The following TNFRSF11A variants were observed in gnomAD, a reference collection of about 807,000 sequenced individuals.
TNFRSF11A encodes the protein TNF receptor superfamily member 11a.
TNFRSF11A carries 32 observed loss-of-function variants against 55.7 expected under a neutral mutation model. That is an observed-to-expected ratio of 0.57 (90% CI 0.43 to 0.77). TNFRSF11A has a LOEUF of 0.77. Ranked by LOEUF, TNFRSF11A falls within the 30% of genes least tolerant of loss-of-function variation. The probability of loss-of-function intolerance (pLI) is 0.00; values close to 1 mark genes in which losing one functional copy is unlikely to be tolerated. For synonymous variants in TNFRSF11A, 311 were observed against 331.0 expected (o/e 0.94, Z 0.65); for missense variants, 753 against 809.8 (o/e 0.93, Z 0.85).
At position 62,369,194 on chromosome 18, in the gene TNFRSF11A, TGG is replaced by T. The variant is rs1910330138; in HGVS notation, c.1278_1279del (p.Asp427GlnfsTer31). The T allele has an allele frequency of 6.2e-7, 1 of 1,613,862 alleles. No homozygotes were observed. Among genetic ancestry groups the T allele is most frequent in the Non-Finnish European group, 8.5e-7 (1 of 1,180,038 alleles). ...TCTGAAAACTACTTGCAAAAAGAGG[TGG>T]ACAGTGGCCATTGCCCGCACTGGGC... On this transcript the variant is annotated frameshift_variant, in exon 9 of 10. Coordinates refer to ENST00000586569, the MANE Select transcript of TNFRSF11A (RefSeq NM_003839.4). LOFTEE classifies it high-confidence loss of function.
chr18:62,334,066 A>G (rs1012954692), intron 1 of TNFRSF11A, among the ~76,000 whole-genome samples: 1 of 152,054 alleles, frequency 6.6e-6, no homozygotes, highest in African/African-American at 2.4e-5. Flanking sequence ...GGTTTTCGAC[A>G]TGTTGGCCAG....
At chr18:62,341,041 G>A (rs898548862) in intron 1 of TNFRSF11A, among the ~76,000 whole-genome samples, 1 of 152,222 alleles carries the variant, frequency 6.6e-6, no homozygotes, top group African/African-American at 2.4e-5. Context: ...TCTATCTGCC[G>A]AGCTTATTTA....
chr18:62,385,050 G>A lies in TNFRSF11A; in HGVS notation c.*16G>A. ...CAAGGCTTGAGCGCCCCCCATGGCT[G>A]GGAGCCCGAAGCTCGGAGCCAGGGC... On this transcript the variant is annotated 3_prime_UTR_variant, in exon 10 of 10. Transcript: ENST00000586569. 1 of 1,463,264 alleles carries A rather than the reference G, an allele frequency of 6.8e-7. No homozygotes were observed. The highest frequency in any genetic ancestry group is 1.4e-5 in the South Asian group (1 of 74,064). The allele number at this position is 1,463,264 out of a possible 1,614,324, so 90.6% of individuals were successfully genotyped here.
At chr18:62,347,919 A>T (rs1345188410) in intron 1 of TNFRSF11A, among the ~76,000 whole-genome samples, 1 of 151,682 alleles carries the variant, frequency 6.6e-6, no homozygotes, top group African/African-American at 2.4e-5. Flanking sequence ...AAAAACAAAA[A>T]AACAAAAAAA....
chr18:62,327,188 C>T (rs2046088571), intron 1 of TNFRSF11A, among the ~76,000 whole-genome samples: 2 of 152,172 alleles, frequency 1.3e-5, no homozygotes, highest in South Asian at 4.1e-4. Context: ...GTCTCCTCTC[C>T]TGTAATCGGA....
At chr18:62,356,910 A>G (rs1046427848) in intron 4 of TNFRSF11A, among the ~76,000 whole-genome samples, 13 of 152,208 alleles carry the variant, frequency 8.5e-5, no homozygotes, top group African/African-American at 3.1e-4. Context: ...AAGTCAAGCT[A>G]TGGAAATTAA....
chr18:62,351,654 A>G (rs2046474408), intron 3 of TNFRSF11A, among the ~76,000 whole-genome samples: 1 of 152,274 alleles, frequency 6.6e-6, no homozygotes, highest in Non-Finnish European at 1.5e-5. Flanking sequence ...GTAGTGCAGT[A>G]CATATAGAAA....
At chr18:62,349,732 T>C in intron 2 of TNFRSF11A, 80 bp from the exon 3 acceptor site, 7 of 1,558,466 alleles carry the variant, frequency 4.5e-6, no homozygotes, top group Non-Finnish European at 6.2e-6. Flanking sequence ...ATGGGTGCAA[T>C]TTTTGTTGCT....
intron 1 of TNFRSF11A, among the ~76,000 whole-genome samples, chr18:62,328,937 T>A (rs1330811034): frequency 6.6e-6 from 1 of 152,176 alleles, no homozygotes; most frequent in Admixed American, 6.5e-5. Context: ...TCAGGAAAAC[T>A]GAAACAATAA....
At chr18:62,354,688 G>A (rs1218954636) in intron 4 of TNFRSF11A, among the ~76,000 whole-genome samples, 154 bp downstream of exon 4, 3 of 152,172 alleles carry the variant, frequency 2.0e-5, no homozygotes, top group East Asian at 1.9e-4. Context: ...GATTTTCCAC[G>A]AGATACAGGC....
At chr18:62,345,978 A>G (rs997612216) in intron 1 of TNFRSF11A, among the ~76,000 whole-genome samples, 2 of 152,190 alleles carry the variant, frequency 1.3e-5, no homozygotes, top group African/African-American at 4.8e-5. Context: ...AATTGTCTAC[A>G]TGTTCAGGTC....
chr18:62,352,882 AC>A (rs1192384421), intron 3 of TNFRSF11A, among the ~76,000 whole-genome samples: 1 of 152,160 alleles, frequency 6.6e-6, no homozygotes, highest in African/African-American at 2.4e-5. Context: ...ACCATAAGAG[AC>A]AGCGGGTTTC....
intron 9 of TNFRSF11A, among the ~76,000 whole-genome samples, chr18:62,380,599 G>C (rs1911210042): frequency 6.6e-6 from 1 of 150,652 alleles, no homozygotes; most frequent in South Asian, 2.1e-4. Flanking sequence ...ACCACACCCA[G>C]CTAATTTTTT....
At position 62,354,469 on chromosome 18, in the gene TNFRSF11A, G is replaced by A. The variant is rs1909094726; in HGVS notation, c.362G>A (p.Ser121Asn). Residue 121 changes from serine (S) to asparagine (N), a missense_variant, in exon 4 of 10, where the codon AGC becomes AAC. Physicochemically the swap from Ser to Asn is conservative, Grantham distance 46. Transcript: ENST00000586569. ...GCGTGCACGGCTGGGTACCACTGGA[G>A]CCAGGACTGCGAGTGCTGCCGCCGC... is the stretch of plus-strand genomic sequence containing the variant. ...RCACTAGYHW[S>N]QDCECCRRNT... 6.2e-7 allele frequency: 1 copy of A among 1,601,362 alleles called. No homozygotes were observed. The highest frequency in any genetic ancestry group is 1.7e-5 in the Admixed American group (1 of 59,930).
chr18:62,378,205 T>C (rs1464256690), intron 9 of TNFRSF11A: 1 of 152,256 alleles, frequency 6.6e-6, no homozygotes, highest in African/African-American at 2.4e-5. Flanking sequence ...ATTCTTACTT[T>C]TAGCAAGGAC....
Position 62,366,775 on chromosome 18 carries a change from T to A in TNFRSF11A, c.783+15T>A. On this transcript the variant is annotated intron_variant, in intron 8 of 9. Transcript: ENST00000586569. ...GTGGAGATAAGGTAGAGTGAACAGT[T>A]GTTGGTGCCTCTGTTAAGTACATTC... 6.2e-7 allele frequency: 1 copy of A among 1,614,026 alleles called. No homozygotes were observed. The highest frequency in any genetic ancestry group is 8.5e-7 in the Non-Finnish European group (1 of 1,179,882).
rs1244342010 is a variant in TNFRSF11A at position 62,333,529 on chromosome 18, A to T, written c.75+8102A>T. ...CTCCTGTGTGCCAGGCATGTACTTT[A>T]CACGGATTATATCTAATGCTCACTC... On this transcript the variant is annotated intron_variant, in intron 1 of 9. Coordinates refer to ENST00000586569, the MANE Select transcript of TNFRSF11A (RefSeq NM_003839.4). Among the ~76,000 whole-genome samples the T allele has an allele frequency of 4.6e-5, 7 of 152,354 alleles. No homozygotes were observed. In the South Asian group the frequency reaches 1.2e-3, roughly 27 times the overall value.
chr18:62,384,447 C>G (rs897787738), intron 9 of TNFRSF11A, among the ~76,000 whole-genome samples: 1 of 143,860 alleles, frequency 7.0e-6, no homozygotes, highest in African/African-American at 2.6e-5. Context: ...TCTTTCCTCT[C>G]CTCCTCCTCT....
chr18:62,329,064 A>G (rs11152341), intron 1 of TNFRSF11A, among the ~76,000 whole-genome samples: 23,190 of 152,180 alleles, frequency 0.15, 2,394 homozygotes, highest in Middle Eastern at 0.28. Flanking sequence ...TGTGGACTTC[A>G]TCTGCCATGT....
Sources: gnomAD v4.1 joint callset for allele counts (sites outside exome capture counted in the v4.1 genomes callset) on GRCh38, gnomAD v4.1.1 for gene constraint, MANE v1.5 for transcripts, NCBI Gene and HGNC (gene_info 2026-07-23, HGNC 2026-07-21) for gene names.